Variants in XXYLT1 observed in about 807,000 individuals in gnomAD.
XXYLT1 encodes the protein UDP-xylose:alpha-xyloside alpha-1,3-xylosyltransferase.
XXYLT1 carries 20 observed loss-of-function variants against 28.9 expected under a neutral mutation model. The ratio of observed to expected loss-of-function variants is 0.69; its 90% confidence interval spans 0.49 to 1.00. XXYLT1 has a LOEUF of 1.00. Ranked by LOEUF, XXYLT1 falls within the 50% of genes least tolerant of loss-of-function variation. The pLI is 0.00. For synonymous variants in XXYLT1, 257 were observed against 253.8 expected (o/e 1.01, Z -0.12); for missense variants, 542 against 560.1 (o/e 0.97, Z 0.33).
At position 195,219,648 on chromosome 3, in the gene XXYLT1, A is replaced by G. The variant is rs73890748; in HGVS notation, c.652+7061T>C. ...CTAGGCTAAGAAGCATCCAGTGTCA[A>G]CTACCTGAATCTTACACCAGCCTTT... On this transcript the variant is annotated intron_variant, in intron 2 of 3. Coordinates refer to ENST00000310380, the MANE Select transcript of XXYLT1 (RefSeq NM_152531.5). 2.4e-3 allele frequency among the ~76,000 whole-genome samples: 361 copies of G among 152,342 alleles called. 2 individuals are homozygous for G. Among genetic ancestry groups the G allele is most frequent in the African/African-American group, 8.2e-3 (340 of 41,572 alleles).
rs62285219 is a variant in XXYLT1, at chr3:195,150,751, A to G, written c.785+5698T>C. On this transcript the variant is annotated intron_variant, in intron 3 of 3. Coordinates refer to ENST00000310380, the MANE Select transcript of XXYLT1 (RefSeq NM_152531.5). This position sits in a 1 kb window ranked among gnomAD's most constrained non-coding sequence, Gnocchi z 4.7. Reference sequence around the variant, plus strand: ...GCCAGCTCCACAAAGTGACCATAACAAAGGGCCACAGCCCACATACGCACA... The same window carrying G: ...GCCAGCTCCACAAAGTGACCATAACGAAGGGCCACAGCCCACATACGCACA... Among the ~76,000 whole-genome samples the G allele has an allele frequency of 1.3e-5, 2 of 151,786 alleles. No individual in the cohort carries two copies. Among genetic ancestry groups the G allele is most frequent in the Non-Finnish European group, 2.9e-5 (2 of 67,964 alleles).
intron 2 of XXYLT1, among the ~76,000 whole-genome samples, chr3:195,204,461 C>A (rs1722983489): frequency 6.6e-6 from 1 of 150,416 alleles, no homozygotes; most frequent in Non-Finnish European, 1.5e-5. Flanking sequence ...CGCACACACA[C>A]ACACTCACTC....
chr3:195,175,548 A>G, intron 2 of XXYLT1: 1 of 1,529,360 alleles, frequency 6.5e-7, no homozygotes, highest in Non-Finnish European at 8.8e-7. Context: ...GGAGATTCCT[A>G]GGGGTAGTTA....
chr3:195,172,594 C>A (rs1338576722), intron 2 of XXYLT1, among the ~76,000 whole-genome samples: 1 of 152,194 alleles, frequency 6.6e-6, no homozygotes, highest in African/African-American at 2.4e-5. Flanking sequence ...CTAGCCACTG[C>A]AGATAAGGCA....
Position 195,070,076 on chromosome 3 carries a change from T to G in XXYLT1, c.821A>C (p.Gln274Pro). 1.9e-6 allele frequency: 3 copies of G among 1,587,114 alleles called. No individual in the cohort carries two copies. Among genetic ancestry groups the G allele is most frequent in the Non-Finnish European group, 2.6e-6 (3 of 1,174,014 alleles). Residue 274 changes from glutamine (Q) to proline (P), a missense_variant, in exon 4 of 4, where the codon CAG (glutamine) becomes CCG (proline). Coordinates refer to ENST00000310380, the MANE Select transcript of XXYLT1 (RefSeq NM_152531.5). ...GGGGGGCGGGCCCCCAACCCGGGTC[T>G]GGGGGTTCTCATGGCGGAACTGCCA... The part of the protein sequence containing the change: ...TFWQFRHENP[Q>P]TRVGGPPPEG...
intron 1 of XXYLT1, among the ~76,000 whole-genome samples, chr3:195,253,342 C>T (rs1214964190): frequency 1.3e-5 from 2 of 152,024 alleles, no homozygotes; most frequent in East Asian, 1.9e-4. Context: ...AATCAGGAGG[C>T]GAAGCGGCAA....
intron 3 of XXYLT1, among the ~76,000 whole-genome samples, chr3:195,144,184 G>A (rs1332081490): frequency 2.7e-5 from 4 of 150,272 alleles, no homozygotes; most frequent in Non-Finnish European, 5.9e-5. Context: ...ATGAGCCACC[G>A]TGCCTGGCCA....
At chr3:195,070,595 C>T (rs1714748441) in intron 3 of XXYLT1, among the ~76,000 whole-genome samples, 2 of 152,206 alleles carry the variant, frequency 1.3e-5, no homozygotes, top group East Asian at 3.8e-4. Context: ...ACTTTCCACC[C>T]CCTTGTCTTC....
chr3:195,182,361 T>A (rs1010136110), intron 2 of XXYLT1, among the ~76,000 whole-genome samples: 4 of 152,230 alleles, frequency 2.6e-5, no homozygotes, highest in African/African-American at 9.6e-5. Flanking sequence ...GACAACTACA[T>A]AAAGCAACTT....
intron 3 of XXYLT1, among the ~76,000 whole-genome samples, chr3:195,120,111 G>A (rs1718270983): frequency 6.6e-6 from 1 of 152,190 alleles, no homozygotes; most frequent in African/African-American, 2.4e-5. Context: ...TTTCTCCTCT[G>A]TCTTCAGCCT....
intron 3 of XXYLT1, among the ~76,000 whole-genome samples, chr3:195,135,026 G>A (rs73206648): frequency 0.12 from 17,866 of 152,220 alleles, 1,193 homozygotes; most frequent in East Asian, 0.27. Context: ...ATGTTTGGCA[G>A]GGGCAATGGG....
At chr3:195,241,337 T>C (rs1724767303) in intron 1 of XXYLT1, among the ~76,000 whole-genome samples, 1 of 152,210 alleles carries the variant, frequency 6.6e-6, no homozygotes, top group Non-Finnish European at 1.5e-5. Flanking sequence ...AGCTATTCTG[T>C]GTCCTGATTT....
chr3:195,097,026 C>G (rs922908679), intron 3 of XXYLT1, among the ~76,000 whole-genome samples: 3 of 152,248 alleles, frequency 2.0e-5, no homozygotes, highest in African/African-American at 7.2e-5. Flanking sequence ...CTGATTCCCG[C>G]CCAGCAGACC....
In XXYLT1 at chr3:195,088,786, TAGA is replaced by T. The variant is rs1163360036; in HGVS notation, c.786-18678_786-18676del. Among the ~76,000 whole-genome samples, 3 of 142,836 alleles carry T rather than the reference TAGA, an allele frequency of 2.1e-5. No homozygotes were observed. In the Admixed American group the frequency reaches 2.2e-4, roughly 10 times the overall value. The allele number at this position is 142,836 out of a possible 152,430, so 93.7% of individuals were successfully genotyped here. A position where few individuals can be genotyped will look rare whatever the true frequency, so the allele number is the denominator to read the frequency against. Reference sequence around the variant, plus strand: ...GAAGTTGAAAACTTTGAAAAAAATTTAGAAGAATATATAACTAGAATAACCAAT... The same window carrying T: ...GAAGTTGAAAACTTTGAAAAAAATTTAGAATATATAACTAGAATAACCAAT... On this transcript the variant is annotated intron_variant, in intron 3 of 3. Transcript: ENST00000310380.
At position 195,077,658 on chromosome 3, in the gene XXYLT1, G is replaced by C. The variant is rs1321964334; in HGVS notation, c.786-7547C>G. 6.6e-6 allele frequency among the ~76,000 whole-genome samples: 1 copy of C among 152,188 alleles called. No homozygotes were observed. The highest frequency in any genetic ancestry group is 6.5e-5 in the Admixed American group (1 of 15,286). ...CGCGGCCTGGGGCTGGACGTCGTAG[G>C]GGGTGAATGGCCCTGATGGCAAGGC... is the stretch of plus-strand genomic sequence containing the variant. On this transcript the variant is annotated intron_variant, in intron 3 of 3. Transcript: ENST00000310380. The surrounding 1 kb of genome is among the most constrained non-coding windows in gnomAD (Gnocchi z 4.8).
At chr3:195,203,396 T>C (rs1179722947) in intron 2 of XXYLT1, among the ~76,000 whole-genome samples, 2 of 152,102 alleles carry the variant, frequency 1.3e-5, no homozygotes, top group African/African-American at 2.4e-5. Context: ...ACCTATCAAA[T>C]TGGCCTGTAC....
intron 3 of XXYLT1, among the ~76,000 whole-genome samples, chr3:195,134,862 TGTGTGTGCGTGTGC>T (rs879553124): frequency 0.041 from 4,360 of 105,266 alleles, 120 homozygotes; most frequent in East Asian, 0.31. Context: ...TGTGTGTGTG[TGTGTGTGCGTGTGC>T]GCGCGTGCGC....
In XXYLT1 at chr3:195,107,572, G is replaced by A. The variant is rs1163530523; in HGVS notation, c.786-37461C>T. On this transcript the variant is annotated intron_variant, in intron 3 of 3. Coordinates refer to ENST00000310380, the MANE Select transcript of XXYLT1 (RefSeq NM_152531.5). Reference sequence around the variant, plus strand: ...GAGGGGGAAGAGGGGGAGAGGAGGAGGGGGAGGAGGAGGGGGAGGAGGAGG... The same window carrying A: ...GAGGGGGAAGAGGGGGAGAGGAGGAAGGGGAGGAGGAGGGGGAGGAGGAGG... 4.1e-4 allele frequency among the ~76,000 whole-genome samples: 8 copies of A among 19,666 alleles called. 1 individual carries two copies. The highest frequency in any genetic ancestry group is 1.5e-3 in the East Asian group (1 of 666). 12.9% of individuals were successfully genotyped at this position (19,666 alleles called of 152,430 possible).
In XXYLT1 at chr3:195,069,542, T is replaced by C. The variant is rs1367647728; in HGVS notation, c.*173A>G. On this transcript the variant is annotated 3_prime_UTR_variant, in exon 4 of 4. Transcript: ENST00000310380. ...GCACCAGCAGTGCACAGGCCAGTCC[T>C]TGGCGGGTGGCCTCAGCACAGTGAC... The C allele has an allele frequency of 5.5e-6, 5 of 907,188 alleles. No individual in the cohort carries two copies. Among genetic ancestry groups the C allele is most frequent in the Non-Finnish European group, 8.2e-6 (5 of 606,688 alleles). 56.2% of individuals were successfully genotyped at this position (907,188 alleles called of 1,614,324 possible).
Sources: allele counts gnomAD v4.1 joint callset (sites outside exome capture counted in the v4.1 genomes callset), GRCh38; gene constraint gnomAD v4.1.1; non-coding constraint Gnocchi (gnomAD v3.1); transcripts MANE v1.5; gene names NCBI Gene and HGNC (gene_info 2026-07-23, HGNC 2026-07-21).